TAF2: variants seen among roughly 807,000 people sequenced by gnomAD.
The protein encoded by TAF2 is transcription initiation factor TFIID subunit 2.
A neutral mutation model predicts 138.5 loss-of-function variants in TAF2; 61 were observed. The observed-to-expected ratio is 0.44, with a 90% CI of 0.36 to 0.54. The LOEUF (loss-of-function observed/expected upper bound fraction) is 0.54. Among genes scored for constraint, TAF2 ranks in the 20% least tolerant of loss-of-function variants. The probability of loss-of-function intolerance (pLI) is 0.00; values close to 1 mark genes in which losing one functional copy is unlikely to be tolerated. For synonymous variants in TAF2, 475 were observed against 469.9 expected (o/e 1.01, Z -0.14); for missense variants, 1,090 against 1,427.9 (o/e 0.76, Z 3.81).
chr8:119,778,346 A>G (rs938099790), intron 17 of TAF2, among the ~76,000 whole-genome samples: 1 of 152,222 alleles, frequency 6.6e-6, no homozygotes, highest in Non-Finnish European at 1.5e-5. Context: ...GAAGAGTTCC[A>G]TGACTGCACA....
chr8:119,760,514 T>C lies in TAF2; in HGVS notation c.2698+85A>G, dbSNP rs1820989323. 7 of 1,455,824 alleles carry C rather than the reference T, an allele frequency of 4.8e-6. No individual in the cohort carries two copies. The East Asian group carries it at 6.9e-5, about 14-fold the overall frequency. 90.2% of individuals were successfully genotyped at this position (1,455,824 alleles called of 1,614,324 possible). A position where few individuals can be genotyped will look rare whatever the true frequency, so the allele number is the denominator to read the frequency against. ...AAAATTAAAATATCTGTGTTATACA[T>C]ATTACGAAAACCCCAACAACACTGG... is the stretch of plus-strand genomic sequence containing the variant. On this transcript the variant is annotated intron_variant, in intron 20 of 25. Coordinates refer to ENST00000378164, the MANE Select transcript of TAF2 (RefSeq NM_003184.4).
chr8:119,806,456 T>C, intron 3 of TAF2, 55 bp from the exon 4 acceptor site: 1 of 1,251,152 alleles, frequency 8.0e-7, no homozygotes, highest in Non-Finnish European at 1.1e-6. Flanking sequence ...TTACCAAGCA[T>C]TTTTCTTTCT....
chr8:119,740,659 T>A, intron 25 of TAF2, among the ~76,000 whole-genome samples: 1 of 96,296 alleles, frequency 1.0e-5, no homozygotes, highest in Non-Finnish European at 2.0e-5. Flanking sequence ...AGTGAGACTG[T>A]CTCAAAAAAA....
At chr8:119,747,631 T>G (rs535514474) in intron 22 of TAF2, among the ~76,000 whole-genome samples, 3 of 152,266 alleles carry the variant, frequency 2.0e-5, no homozygotes, top group Middle Eastern at 3.4e-3. Flanking sequence ...CAGAGCACAT[T>G]GATACCAGGG....
At position 119,746,636 on chromosome 8, in the gene TAF2, G is replaced by A. The variant is rs570362223; in HGVS notation, c.3108+69C>T. The A allele has an allele frequency of 1.2e-5, 19 of 1,520,854 alleles. No individual in the cohort carries two copies. In the South Asian group the frequency reaches 1.9e-4, roughly 15 times the overall value. The allele number at this position is 1,520,854 out of a possible 1,614,324, so 94.2% of individuals were successfully genotyped here. On this transcript the variant is annotated intron_variant, in intron 23 of 25. Transcript: ENST00000378164. ...GGCTATAAAATTCACTAGTTCACAG[G>A]AAACAATTCTCTTCTCTAGATCCTC...
intron 10 of TAF2, among the ~76,000 whole-genome samples, chr8:119,792,380 G>C (rs1049056093): frequency 6.6e-6 from 1 of 152,046 alleles, no homozygotes; most frequent in African/African-American, 2.4e-5. Flanking sequence ...TCAAACTCCT[G>C]AACTCTGGTG....
At chr8:119,760,443 T>G in intron 20 of TAF2, 156 bp downstream of exon 20, 1 of 834,464 alleles carries the variant, frequency 1.2e-6, no homozygotes. Flanking sequence ...TTATGTGAAT[T>G]CTACATTTAT....
At chr8:119,795,722 T>C in intron 8 of TAF2, 91 bp from the exon 9 acceptor site, 3 of 1,117,980 alleles carry the variant, frequency 2.7e-6, no homozygotes, top group Non-Finnish European at 4.0e-6. Context: ...GTAGTGTGTA[T>C]TTCCCTGCCT....
chr8:119,751,682 T>C (rs951344038), intron 22 of TAF2, among the ~76,000 whole-genome samples: 1 of 152,160 alleles, frequency 6.6e-6, no homozygotes, highest in Non-Finnish European at 1.5e-5. Context: ...AAACAGAAAG[T>C]GCTCAAGAAA....
At chr8:119,826,496 CT>C (rs1563931540) in intron 2 of TAF2, among the ~76,000 whole-genome samples, 2 of 152,070 alleles carry the variant, frequency 1.3e-5, no homozygotes, top group Non-Finnish European at 2.9e-5. Flanking sequence ...TGGACAAATA[CT>C]TTACCCTTGC....
intron 18 of TAF2, among the ~76,000 whole-genome samples, chr8:119,771,314 C>T (rs1333333209): frequency 6.6e-6 from 1 of 152,008 alleles, no homozygotes; most frequent in Non-Finnish European, 1.5e-5. Context: ...CGGCTCACTG[C>T]AACCTCCCCG....
In TAF2 at chr8:119,788,050, G is replaced by T. The variant is rs549498722; in HGVS notation, c.1793+288C>A. ...GGGAGTTGAACAATGAGAACACACA[G>T]ACACAGGGAGGGGAACATCACACAC... On this transcript the variant is annotated intron_variant, in intron 14 of 25. Transcript: ENST00000378164. Among the ~76,000 whole-genome samples the T allele has an allele frequency of 4.0e-4, 61 of 152,148 alleles. 1 individual carries two copies. Among genetic ancestry groups the T allele is most frequent in the Non-Finnish European group, 2.8e-4 (19 of 68,020 alleles).
intron 18 of TAF2, 38 bp downstream of exon 18, chr8:119,777,981 C>A: frequency 2.7e-6 from 3 of 1,095,684 alleles, no homozygotes; most frequent in Admixed American, 2.1e-5. Flanking sequence ...TTATCTAAGA[C>A]AACTGTTGTA....
chr8:119,829,861 T>TG, intron 2 of TAF2, among the ~76,000 whole-genome samples: 3 of 129,684 alleles, frequency 2.3e-5, no homozygotes, highest in African/African-American at 9.2e-5. Flanking sequence ...CTTTTTTTAG[T>TG]TTTTTTTTTT....
At chr8:119,794,809 G>A (rs1440859999) in intron 9 of TAF2, among the ~76,000 whole-genome samples, 3 of 152,064 alleles carry the variant, frequency 2.0e-5, no homozygotes, top group Non-Finnish European at 4.4e-5. Flanking sequence ...TGAAGTCTTC[G>A]AAAATTAACT....
chr8:119,807,584 G>C (rs915387842), intron 3 of TAF2, among the ~76,000 whole-genome samples: 1 of 152,206 alleles, frequency 6.6e-6, no homozygotes, highest in African/African-American at 2.4e-5. Flanking sequence ...GCCACAAGGT[G>C]AAATTAGTGA....
chr8:119,741,576 A>T (rs968287529), intron 25 of TAF2, among the ~76,000 whole-genome samples: 9 of 152,216 alleles, frequency 5.9e-5, no homozygotes, highest in Non-Finnish European at 1.2e-4. Flanking sequence ...GTAAGCAATC[A>T]ACAGTCTGGG....
At chr8:119,757,710 A>C (rs1227853087) in intron 21 of TAF2, among the ~76,000 whole-genome samples, 1 of 152,118 alleles carries the variant, frequency 6.6e-6, no homozygotes. Context: ...AGCCTGGCCA[A>C]CATGGCAAAA....
intron 17 of TAF2, among the ~76,000 whole-genome samples, chr8:119,779,539 T>C (rs1319047440): frequency 1.3e-5 from 2 of 152,136 alleles, no homozygotes; most frequent in East Asian, 1.9e-4. Context: ...CGTGAAATGG[T>C]AATACAGAGC....
Sources: allele counts gnomAD v4.1 joint callset (sites outside exome capture counted in the v4.1 genomes callset), GRCh38; gene constraint gnomAD v4.1.1; transcripts MANE v1.5; gene names NCBI Gene and HGNC (gene_info 2026-07-23, HGNC 2026-07-21).